Variants in NRG3 observed in about 807,000 individuals in gnomAD.
NRG3 encodes neuregulin 3, also known as pro-neuregulin-3, membrane-bound isoform.
NRG3 carries 31 observed loss-of-function variants against 66.9 expected under a neutral mutation model. That is an observed-to-expected ratio of 0.46 (90% confidence interval 0.35 to 0.63). NRG3 has a LOEUF of 0.63. Among genes scored for constraint, NRG3 ranks in the 20% least tolerant of loss-of-function variants. The pLI is 0.00. For missense variants in NRG3, 910 were observed against 878.9 expected (o/e 1.04, Z -0.45); for synonymous variants, 393 against 359.4 (o/e 1.09, Z -1.06).
chr10:82,801,584 T>C (rs931255413), intron 3 of NRG3, among the ~76,000 whole-genome samples: 2 of 152,112 alleles, frequency 1.3e-5, no homozygotes, highest in African/African-American at 4.8e-5. Context: ...TTTTGGACTT[T>C]GTGCAAATGG....
chr10:82,275,488 T>C (rs1400666320), intron 1 of NRG3, among the ~76,000 whole-genome samples: 3 of 152,046 alleles, frequency 2.0e-5, no homozygotes, highest in Non-Finnish European at 4.4e-5. Flanking sequence ...GTCTAACTTA[T>C]TTCAAAGCAA....
At chr10:82,534,351 C>T (rs564081429) in intron 2 of NRG3, among the ~76,000 whole-genome samples, 19 of 151,854 alleles carry the variant, frequency 1.3e-4, no homozygotes, top group African/African-American at 4.1e-4. Context: ...GCAACCTCCG[C>T]GCTCCCGGGT....
chr10:82,981,924 C>A (rs1852949661), intron 8 of NRG3, among the ~76,000 whole-genome samples: 1 of 152,138 alleles, frequency 6.6e-6, no homozygotes, highest in African/African-American at 2.4e-5. Flanking sequence ...ACCTAGCTAG[C>A]AACTTTATAT....
At chr10:82,104,653 T>C (rs1189258480) in intron 1 of NRG3, among the ~76,000 whole-genome samples, 1 of 152,206 alleles carries the variant, frequency 6.6e-6, no homozygotes, top group Non-Finnish European at 1.5e-5. Flanking sequence ...GTGGATATTA[T>C]GGTTATGAAA....
In NRG3 at chr10:82,122,961, C is replaced by A. The variant is rs184627588; in HGVS notation, c.824-235778C>A. Reference sequence around the variant, plus strand: ...TGCTCTGTGTTACCTGCTCAGATTTCTCTATAAGAGAATAGATCCTAAGCC... The same window carrying A: ...TGCTCTGTGTTACCTGCTCAGATTTATCTATAAGAGAATAGATCCTAAGCC... On this transcript the variant is annotated intron_variant, in intron 1 of 8. Coordinates refer to ENST00000372141, the MANE Select transcript of NRG3 (RefSeq NM_001010848.4). Among the ~76,000 whole-genome samples, 3 of 151,650 alleles carry A rather than the reference C, an allele frequency of 2.0e-5. No homozygotes were observed. In the East Asian group the frequency reaches 5.8e-4, roughly 29 times the overall value.
At chr10:82,584,779 G>A (rs2046565609) in intron 2 of NRG3, among the ~76,000 whole-genome samples, 2 of 152,154 alleles carry the variant, frequency 1.3e-5, no homozygotes, top group East Asian at 1.9e-4. Context: ...TTGACAGAAC[G>A]CCAGCCATTG....
intron 1 of NRG3, among the ~76,000 whole-genome samples, chr10:82,067,925 A>G (rs545639956): frequency 6.6e-6 from 1 of 152,286 alleles, no homozygotes; most frequent in East Asian, 1.9e-4. Context: ...CAAGTTTATA[A>G]TTTTTATTTT....
intron 2 of NRG3, among the ~76,000 whole-genome samples, chr10:82,531,663 G>A (rs1311414659): frequency 6.6e-6 from 1 of 151,562 alleles, no homozygotes; most frequent in East Asian, 1.9e-4. Context: ...AATAATGACA[G>A]AGTGTTCTGT....
intron 4 of NRG3, among the ~76,000 whole-genome samples, chr10:82,921,968 G>C (rs1846460549): frequency 6.6e-6 from 1 of 152,006 alleles, no homozygotes; most frequent in South Asian, 2.1e-4. Context: ...TAATTTCATG[G>C]ACATTAAAGT....
chr10:82,163,344 A>C (rs998973762), intron 1 of NRG3, among the ~76,000 whole-genome samples: 1 of 152,154 alleles, frequency 6.6e-6, no homozygotes, highest in African/African-American at 2.4e-5. Flanking sequence ...TGTTTTGTGC[A>C]TATATGAACT....
At chr10:82,824,051 T>A (rs1346722384) in intron 3 of NRG3, among the ~76,000 whole-genome samples, 1 of 152,058 alleles carries the variant, frequency 6.6e-6, no homozygotes, top group Admixed American at 6.6e-5. Context: ...CTACCCCCAT[T>A]CCCTGGAAAC....
At chr10:82,034,618 C>T (rs1053801749) in intron 1 of NRG3, among the ~76,000 whole-genome samples, 3 of 152,088 alleles carry the variant, frequency 2.0e-5, no homozygotes, top group African/African-American at 7.2e-5. Flanking sequence ...CTTATGAAAG[C>T]AACTGGGGAA....
At chr10:82,438,076 G>GT (rs2090238411) in intron 2 of NRG3, among the ~76,000 whole-genome samples, 1 of 152,184 alleles carries the variant, frequency 6.6e-6, no homozygotes, top group Non-Finnish European at 1.5e-5. Flanking sequence ...TTGTCCTTTG[G>GT]TGGAGAGAGT....
intron 1 of NRG3, among the ~76,000 whole-genome samples, chr10:82,100,773 AT>A (rs1449026885): frequency 2.0e-5 from 3 of 151,838 alleles, no homozygotes; most frequent in Non-Finnish European, 4.4e-5. Context: ...GTTTTCTAAT[AT>A]TTTTTGTGCA....
intron 3 of NRG3, among the ~76,000 whole-genome samples, chr10:82,853,805 A>T (rs1258815262): frequency 1.3e-5 from 2 of 151,948 alleles, no homozygotes; most frequent in Non-Finnish European, 2.9e-5. Context: ...CTCTTGTCTG[A>T]TTGCTCTGGT....
At chr10:82,790,212 A>G (rs1055356918) in intron 3 of NRG3, among the ~76,000 whole-genome samples, 2 of 152,132 alleles carry the variant, frequency 1.3e-5, no homozygotes, top group Admixed American at 6.5e-5. Flanking sequence ...AACTTAGGGT[A>G]CTGTCCAGTG....
chr10:82,485,786 G>A (rs991871922), intron 2 of NRG3, among the ~76,000 whole-genome samples: 1 of 46,214 alleles, frequency 2.2e-5, no homozygotes, highest in African/African-American at 4.9e-5. Flanking sequence ...AAAAGTACAG[G>A]CAGCAAAAGC....
chr10:82,934,013 G>T lies in NRG3; in HGVS notation c.1055-17456G>T, dbSNP rs1336550541. Among the ~76,000 whole-genome samples the T allele has an allele frequency of 2.6e-5, 4 of 152,282 alleles. No individual in the cohort carries two copies. In the South Asian group the frequency reaches 8.3e-4, roughly 32 times the overall value. Reference sequence around the variant, plus strand: ...GATTGGGTTGGTTTTTATTTGAAAAGTGTGTGCTCGGGCAATTTATTTTCT... The same window carrying T: ...GATTGGGTTGGTTTTTATTTGAAAATTGTGTGCTCGGGCAATTTATTTTCT... On this transcript the variant is annotated intron_variant, in intron 4 of 8. Transcript: ENST00000372141.
chr10:81,884,858 C>A (rs753585526), intron 1 of NRG3, among the ~76,000 whole-genome samples: 3 of 152,122 alleles, frequency 2.0e-5, no homozygotes, highest in African/African-American at 7.2e-5. Flanking sequence ...ATGCTGTCAC[C>A]ACAGTCAGGG....
Sources: gnomAD v4.1 joint callset for allele counts (sites outside exome capture counted in the v4.1 genomes callset) on GRCh38, gnomAD v4.1.1 for gene constraint, MANE v1.5 for transcripts, NCBI Gene and HGNC (gene_info 2026-07-23, HGNC 2026-07-21) for gene names.